ANXA11: variants seen among roughly 807,000 people sequenced by gnomAD.
ANXA11 encodes 56 kDa autoantigen.
A neutral mutation model predicts 64.7 loss-of-function variants in ANXA11; 57 were observed. The observed-to-expected ratio is 0.88, with a 90% CI of 0.71 to 1.10. ANXA11 has a LOEUF of 1.10. ANXA11 is among the 50% of genes least tolerant of loss of function. ANXA11 has a pLI of 0.00. For missense variants in ANXA11, 675 were observed against 670.7 expected (o/e 1.01, Z -0.07); for synonymous variants, 260 against 265.2 (o/e 0.98, Z 0.19).
intron 12 of ANXA11, 100 bp downstream of exon 12, chr10:80,161,835 C>T (rs543707522): frequency 1.2e-5 from 13 of 1,054,660 alleles, no homozygotes; most frequent in African/African-American, 9.3e-5. Context: ...GAAAGCCCCA[C>T]GCAGGGAGGA....
rs1272876103 is a variant in ANXA11, at chr10:80,157,947, T to C, written c.1335+20A>G. 6.2e-7 allele frequency: 1 copy of C among 1,613,202 alleles called. No individual in the cohort carries two copies. The highest frequency in any genetic ancestry group is 8.5e-7 in the Non-Finnish European group (1 of 1,179,178). On this transcript the variant is annotated intron_variant, in intron 14 of 15. Transcript: ENST00000422982. The stretch of plus-strand genomic sequence containing the variant: ...GCGAGGCTAAGGTTCCATCGCAACC[T>C]GCACATGGAAGTTACATACCCTCAT...
At chr10:80,159,263 C>T in intron 12 of ANXA11, 68 bp from the exon 13 acceptor site, 1 of 1,287,224 alleles carries the variant, frequency 7.8e-7, no homozygotes, top group Non-Finnish European at 1.1e-6. Context: ...ATGTGGAAGT[C>T]CCAACTCCCA....
At chr10:80,156,956 T>C (rs1419646203) in intron 15 of ANXA11, 1 of 984,200 alleles carries the variant, frequency 1.0e-6, no homozygotes, top group African/African-American at 1.8e-5. Flanking sequence ...CTCATGTGAG[T>C]TCAGAATTTG....
chr10:80,166,938 G>A lies in ANXA11; in HGVS notation c.696C>T (p.Asn232=). ...AIIDCLGSRS[N]KQRQQILLSF... ...AAAGTAGGATCTGCTGCCGCTGCTT[G>A]TTGGAGCGACTCCCCAGGCAGTCAA... is the stretch of plus-strand genomic sequence containing the variant. The change falls in exon 7 of 16, where the codon AAC becomes AAT. Residue 232 remains asparagine, a synonymous_variant. Coordinates refer to ENST00000422982, the MANE Select transcript of ANXA11 (RefSeq NM_145868.2). The A allele has an allele frequency of 6.2e-7, 1 of 1,609,462 alleles. No homozygotes were observed. Among genetic ancestry groups the A allele is most frequent in the Non-Finnish European group, 8.5e-7 (1 of 1,178,430 alleles).
At chr10:80,186,749 G>C (rs544452058) in intron 1 of ANXA11, among the ~76,000 whole-genome samples, 1 of 152,308 alleles carries the variant, frequency 6.6e-6, no homozygotes, top group East Asian at 1.9e-4. Flanking sequence ...AGGGGGATGG[G>C]GGCAAGTGAG....
intron 5 of ANXA11, among the ~76,000 whole-genome samples, chr10:80,168,304 C>T (rs551233021): frequency 6.6e-6 from 1 of 152,212 alleles, no homozygotes; most frequent in Non-Finnish European, 1.5e-5. Context: ...CTGTTGAGCA[C>T]AAAGCCTTGA....
Position 80,169,188 on chromosome 10 carries a change from G to A in ANXA11, c.342C>T (p.Pro114=). Residue 114 remains proline (P), a synonymous_variant, in exon 5 of 16, where the codon CCC becomes CCT. Transcript: ENST00000422982. ...GMYPPPGGNP[P]SRMPSYPPYP... ...ATGGCGGATATGAGGGCATCCTGGA[G>A]GGTGGGTTTCCTCCTGGGGGTGGAT... 6.2e-7 allele frequency: 1 copy of A among 1,603,262 alleles called. No homozygotes were observed. The highest frequency in any genetic ancestry group is 1.1e-5 in the South Asian group (1 of 90,172).
intron 1 of ANXA11, among the ~76,000 whole-genome samples, chr10:80,202,205 GC>G (rs1338181577): frequency 7.3e-5 from 11 of 150,680 alleles, no homozygotes; most frequent in Non-Finnish European, 1.2e-4. Context: ...TGGGGGGGAA[GC>G]GGGGGGTCTC....
At chr10:80,171,213 C>A in intron 3 of ANXA11, 1 of 1,253,962 alleles carries the variant, frequency 8.0e-7, no homozygotes. Context: ...TCTGCCCTCC[C>A]AAGTTCACCA....
At chr10:80,171,300 G>C in intron 3 of ANXA11, 1 of 1,032,206 alleles carries the variant, frequency 9.7e-7, no homozygotes. Context: ...TGACCATAGG[G>C]AGCTCTGAGA....
At chr10:80,157,798 GCCT>G in intron 14 of ANXA11, 35 bp from the exon 15 acceptor site, 3 of 1,602,906 alleles carry the variant, frequency 1.9e-6, no homozygotes, top group South Asian at 1.1e-5. Flanking sequence ...TGAGCACCAG[GCCT>G]CCTCACCTTC....
chr10:80,160,266 G>A (rs770283477), intron 12 of ANXA11, among the ~76,000 whole-genome samples: 2 of 152,170 alleles, frequency 1.3e-5, no homozygotes, highest in Admixed American at 1.3e-4. Context: ...AAGAAATAAT[G>A]ATTAAGATGA....
At chr10:80,156,524 T>C (rs1235699707) in intron 15 of ANXA11, 1 of 466,124 alleles carries the variant, frequency 2.1e-6, no homozygotes, top group Non-Finnish European at 4.4e-6. Flanking sequence ...AACTCTCTTT[T>C]TTTTTTTGAG....
chr10:80,162,648 G>A (rs573753852), intron 11 of ANXA11, among the ~76,000 whole-genome samples: 1 of 152,360 alleles, frequency 6.6e-6, no homozygotes, highest in East Asian at 1.9e-4. Flanking sequence ...GCCCTAACAA[G>A]GGGGCATTCC....
chr10:80,190,483 A>AT lies in ANXA11; in HGVS notation c.-57-14329_-57-14328insA, dbSNP rs1225312907. 4.5e-5 allele frequency among the ~76,000 whole-genome samples: 5 copies of AT among 110,056 alleles called. 1 individual carries two copies. The highest frequency in any genetic ancestry group is 2.7e-4 in the Admixed American group (3 of 11,038). 72.2% of individuals were successfully genotyped at this position (110,056 alleles called of 152,430 possible). On this transcript the variant is annotated intron_variant, in intron 1 of 15. Transcript: ENST00000422982. ...TAATTATAAATGTTAATTTACAATA[A>AT]ATTTTTTTTTTTTTTTTTTTGAGAC...
chr10:80,177,601 G>A (rs1344322315), intron 1 of ANXA11, among the ~76,000 whole-genome samples: 2 of 151,996 alleles, frequency 1.3e-5, no homozygotes, highest in East Asian at 3.9e-4. Flanking sequence ...AAGACGAAAG[G>A]GACAACGAGG....
intron 5 of ANXA11, among the ~76,000 whole-genome samples, 189 bp from the exon 6 acceptor site, chr10:80,167,502 T>G (rs528928933): frequency 2.0e-5 from 3 of 152,304 alleles, no homozygotes; most frequent in African/African-American, 7.2e-5. Context: ...TGGCCTTGTG[T>G]TCTAGTACTG....
intron 15 of ANXA11, chr10:80,157,422 T>C: frequency 1.0e-6 from 1 of 985,350 alleles, no homozygotes; most frequent in Non-Finnish European, 1.2e-6. Flanking sequence ...CTGATGCTGC[T>C]GGGGGATGCA....
At chr10:80,168,253 G>A (rs191918473) in intron 5 of ANXA11, among the ~76,000 whole-genome samples, 14 of 110,732 alleles carry the variant, frequency 1.3e-4, no homozygotes, top group Non-Finnish European at 2.5e-4. Flanking sequence ...TGTCTGTGCC[G>A]GGGGGGGCGG....
Sources: gnomAD v4.1 joint callset for allele counts (sites outside exome capture counted in the v4.1 genomes callset) on GRCh38, gnomAD v4.1.1 for gene constraint, MANE v1.5 for transcripts, NCBI Gene and HGNC (gene_info 2026-07-23, HGNC 2026-07-21) for gene names.